The following NTRK1 variants were observed in gnomAD, a reference collection of about 807,000 sequenced individuals.
NTRK1 encodes the protein high affinity nerve growth factor receptor.
NTRK1 carries 62 observed loss-of-function variants against 86.8 expected under a neutral mutation model. The ratio of observed to expected loss-of-function variants is 0.71; its 90% CI spans 0.58 to 0.88. The LOEUF is 0.88. NTRK1 is among the 40% of genes least tolerant of loss of function. NTRK1 has a pLI of 0.00. For synonymous variants in NTRK1, 469 were observed against 456.6 expected (o/e 1.03, Z -0.35); for missense variants, 967 against 1,078.4 (o/e 0.90, Z 1.45).
At chr1:156,867,683 T>C (rs1409371227) in intron 4 of NTRK1, among the ~76,000 whole-genome samples, 1 of 151,330 alleles carries the variant, frequency 6.6e-6, no homozygotes, top group Non-Finnish European at 1.5e-5. Context: ...TTTTTTTTTT[T>C]TATGAGACGG....
chr1:156,845,170 C>T lies in NTRK1; in HGVS notation c.50+2977C>T, dbSNP rs1307680533. ...AGGCATGGATGTCGATCCGGTATTC[C>T]GTGAAGTGGCGCAGGCCGCTCAGCA... On this transcript the variant is annotated intron_variant, in intron 2 of 16. Coordinates refer to the NTRK1 transcript ENST00000392302. The T allele has an allele frequency of 1.9e-6, 3 of 1,610,878 alleles. No individual in the cohort carries two copies. The Admixed American group carries it at 5.0e-5, about 27-fold the overall frequency.
At chr1:156,849,759 T>C (rs1655138682) in intron 2 of NTRK1, among the ~76,000 whole-genome samples, 1 of 152,104 alleles carries the variant, frequency 6.6e-6, no homozygotes, top group East Asian at 1.9e-4. Flanking sequence ...ACCTGCTATG[T>C]GCCAGACTCT....
At chr1:156,821,343 T>A (rs544490521) in intron 1 of NTRK1, among the ~76,000 whole-genome samples, 2 of 152,200 alleles carry the variant, frequency 1.3e-5, no homozygotes, top group African/African-American at 2.4e-5. Context: ...CTTTCCCTTG[T>A]CTGATTGCTT....
intron 2 of NTRK1, chr1:156,845,952 C>G: frequency 6.2e-7 from 1 of 1,611,538 alleles, no homozygotes; most frequent in Non-Finnish European, 8.5e-7. Context: ...CCCTGCGCAC[C>G]GCGGTGGCAG....
At chr1:156,842,103 C>A in exon 2 of NTRK1, 1 of 1,613,868 alleles carries the variant, frequency 6.2e-7, no homozygotes, top group South Asian at 1.1e-5. Flanking sequence ...TGCCTGGCAC[C>A]CTCTGTACCC....
At position 156,861,122 on chromosome 1, in the gene NTRK1, C is replaced by G. The variant is rs752899898; in HGVS notation, c.188C>G (p.Pro63Arg). ...DGALDSLHHL[P>R]GAENLTELYI... ...GCCCTGGATAGCCTCCACCACCTGC[C>G]CGGCGCAGAGAACCTGACTGAGCTG... The change falls in exon 1 of 17, where the codon CCC becomes CGC. Residue 63 changes from proline to arginine, a missense_variant. By Grantham distance (103) the Pro-to-Arg change is moderately radical (BLOSUM62 -2). Around this residue, in one of 2 missense-constraint regions of NTRK1, gnomAD observed 330 missense variants for 302.0 expected, o/e 1.09. Transcript: ENST00000524377. 7 of 1,581,484 alleles carry G rather than the reference C, an allele frequency of 4.4e-6. No individual in the cohort carries two copies. In the East Asian group the frequency reaches 1.4e-4, roughly 31 times the overall value.
intron 1 of NTRK1, chr1:156,837,985 T>C (rs1165047760): frequency 6.6e-6 from 1 of 152,126 alleles, no homozygotes. Flanking sequence ...CCATTCTTCT[T>C]CCTACTTGGT....
upstream of NTRK1, chr1:156,858,442 G>A (rs1655487017): frequency 1.1e-6 from 1 of 882,484 alleles, no homozygotes; most frequent in South Asian, 1.3e-5. Flanking sequence ...CCAGTGCAGA[G>A]TAAGTGGAGG....
At chr1:156,860,710 G>A (rs1009170730), upstream of NTRK1, 1 of 825,142 alleles carries the variant, frequency 1.2e-6, no homozygotes, top group Admixed American at 4.3e-5. Flanking sequence ...GAAGGCTGAC[G>A]CTGGGGGCCC....
chr1:156,818,538 T>A (rs1276237871), intron 1 of NTRK1, among the ~76,000 whole-genome samples: 1 of 152,192 alleles, frequency 6.6e-6, no homozygotes, highest in African/African-American at 2.4e-5. Flanking sequence ...TGTGTCCTCA[T>A]AGCTTAGCTC....
At chr1:156,816,737 C>T in intron 1 of NTRK1, 1 of 1,585,520 alleles carries the variant, frequency 6.3e-7, no homozygotes, top group Non-Finnish European at 8.6e-7. Context: ...GATCCCAGAG[C>T]AGGGTGTGTG....
At chr1:156,841,728 G>A in intron 1 of NTRK1, 2 of 1,614,136 alleles carry the variant, frequency 1.2e-6, no homozygotes, top group African/African-American at 2.7e-5. Flanking sequence ...CCAGCGCACG[G>A]GCAGCAGCCC....
intron 7 of NTRK1, among the ~76,000 whole-genome samples, chr1:156,872,920 G>A (rs1475291569): frequency 6.6e-6 from 1 of 151,642 alleles, no homozygotes; most frequent in Admixed American, 6.6e-5. Flanking sequence ...CTCGTGATCC[G>A]CCCGCCTCGG....
chr1:156,881,657 G>A lies in NTRK1; in HGVS notation c.*15G>A. On this transcript the variant is annotated 3_prime_UTR_variant, in exon 17 of 17. Transcript: ENST00000524377. ...TCCTGGGCTAGGGGGCCGGCCCAGGGGCTGGGAGTGGTTAGCCGGAATACT... is the reference window on the plus strand; with the variant it reads ...TCCTGGGCTAGGGGGCCGGCCCAGGAGCTGGGAGTGGTTAGCCGGAATACT... 6.3e-7 allele frequency: 1 copy of A among 1,594,410 alleles called. No homozygotes were observed. Among genetic ancestry groups the A allele is most frequent in the South Asian group, 1.1e-5 (1 of 88,314 alleles).
chr1:156,860,064 T>A (rs1450251238), upstream of NTRK1, among the ~76,000 whole-genome samples: 1 of 152,214 alleles, frequency 6.6e-6, no homozygotes, highest in East Asian at 1.9e-4. Context: ...CACGAATAAA[T>A]CGATGCTCTT....
At chr1:156,864,629 G>A in intron 2 of NTRK1, 99 bp from the exon 3 acceptor site, 2 of 1,336,858 alleles carry the variant, frequency 1.5e-6, no homozygotes, top group Non-Finnish European at 2.1e-6. Flanking sequence ...GAGGGGTAGG[G>A]GTTCAGCACA....
intron 1 of NTRK1, among the ~76,000 whole-genome samples, chr1:156,826,573 G>A (rs1654322588): frequency 6.6e-6 from 1 of 152,134 alleles, no homozygotes; most frequent in African/African-American, 2.4e-5. Flanking sequence ...ACAGGCATGA[G>A]CCACTGTGCC....
intron 2 of NTRK1, chr1:156,842,986 C>A (rs748643091): frequency 1.3e-6 from 2 of 1,584,048 alleles, no homozygotes; most frequent in Middle Eastern, 1.7e-4. Flanking sequence ...CCTGACAATG[C>A]CCTTGGCTCT....
chr1:156,824,005 G>T (rs1391244618), intron 1 of NTRK1, among the ~76,000 whole-genome samples: 1 of 152,202 alleles, frequency 6.6e-6, no homozygotes, highest in Non-Finnish European at 1.5e-5. Flanking sequence ...GATGAGGCAA[G>T]TAGGTTCCTA....
Sources: allele counts gnomAD v4.1 joint callset (sites outside exome capture counted in the v4.1 genomes callset), GRCh38; gene constraint gnomAD v4.1.1; regional missense constraint gnomAD v4.1.1; transcripts MANE v1.5; gene names NCBI Gene and HGNC (gene_info 2026-07-23, HGNC 2026-07-21).